Variants in EXPH5 observed in about 807,000 individuals in gnomAD.
EXPH5 encodes the protein exophilin 5, also known as exophilin-5.
Under a neutral mutation model 41.1 loss-of-function variants are expected in EXPH5, and 42 were observed. The observed-to-expected ratio is 1.02, with a 90% CI of 0.80 to 1.32. The LOEUF (loss-of-function observed/expected upper bound fraction) is 1.32, where lower values mean the gene tolerates loss of function less well. Among genes scored for constraint, EXPH5 ranks in the 40% most tolerant of loss-of-function variants. EXPH5 has a pLI of 0.00. For missense variants in EXPH5, 2,298 were observed against 2,314.5 expected (o/e 0.99, Z 0.15); for synonymous variants, 798 against 833.5 (o/e 0.96, Z 0.73).
Position 108,512,640 on chromosome 11 carries a change from A to G in EXPH5, c.2867T>C (p.Val956Ala). The change falls in exon 6 of 6, where the codon GTG (valine) becomes GCG (alanine). Residue 956 changes from valine (V) to alanine (A), a missense_variant. Val to Ala is a moderately conservative substitution (Grantham distance 64, BLOSUM62 0). Transcript: ENST00000265843. ...GTGTGAATGGCATTTGACATCAACCACTTCATCATGTGTAGGCACAGGACT... is the reference window on the plus strand; with the variant it reads ...GTGTGAATGGCATTTGACATCAACCGCTTCATCATGTGTAGGCACAGGACT... Reference protein sequence around the residue: ...NDSPVPTHDEVVDVKCHSHSP... With the variant: ...NDSPVPTHDEAVDVKCHSHSP... 6.2e-7 allele frequency: 1 copy of G among 1,614,022 alleles called. No homozygotes were observed. The highest frequency in any genetic ancestry group is 1.3e-5 in the African/African-American group (1 of 75,050).
At position 108,509,475 on chromosome 11, in the gene EXPH5, G is replaced by T. The variant is rs2093661892; in HGVS notation, c.*62C>A. Reference sequence around the variant, plus strand: ...TTTATCCTTCCATGCACATGCACATGTACACCTTAGTTCCATTATAAGCTT... The same window carrying T: ...TTTATCCTTCCATGCACATGCACATTTACACCTTAGTTCCATTATAAGCTT... On this transcript the variant is annotated 3_prime_UTR_variant, in exon 6 of 6. Transcript: ENST00000265843. 1 of 1,447,712 alleles carries T rather than the reference G, an allele frequency of 6.9e-7. No individual in the cohort carries two copies. Among genetic ancestry groups the T allele is most frequent in the Non-Finnish European group, 9.3e-7 (1 of 1,076,730 alleles). 89.7% of individuals were successfully genotyped at this position (1,447,712 alleles called of 1,614,324 possible).
intron 1 of EXPH5, among the ~76,000 whole-genome samples, chr11:108,590,179 T>C (rs1052466705): frequency 2.6e-5 from 4 of 152,190 alleles, no homozygotes; most frequent in Admixed American, 2.6e-4. Flanking sequence ...TCACTAACAA[T>C]GTGCAAAATC....
chr11:108,568,052 C>A (rs1163233250), intron 1 of EXPH5: 3 of 152,094 alleles, frequency 2.0e-5, no homozygotes, highest in African/African-American at 7.2e-5. Flanking sequence ...GGGTTTCCGA[C>A]TCGCTGAAGA....
chr11:108,538,913 A>C (rs1339091371), intron 3 of EXPH5, 111 bp downstream of exon 3: 1 of 996,846 alleles, frequency 1.0e-6, no homozygotes, highest in Non-Finnish European at 1.5e-6. Flanking sequence ...CTTAATACCA[A>C]TTGAATTGAA....
chr11:108,528,827 C>T (rs1420672842), intron 3 of EXPH5, among the ~76,000 whole-genome samples: 3 of 151,432 alleles, frequency 2.0e-5, no homozygotes, highest in African/African-American at 4.9e-5. Context: ...CTCAGCCTCC[C>T]GAATGGCTGG....
At chr11:108,554,562 G>A (rs972973473) in intron 1 of EXPH5, among the ~76,000 whole-genome samples, 2 of 152,048 alleles carry the variant, frequency 1.3e-5, no homozygotes, top group Non-Finnish European at 2.9e-5. Context: ...GGTGGTGGAG[G>A]GATAATGGGG....
Position 108,568,457 on chromosome 11 carries a change from A to G in EXPH5, c.119+24961T>C, listed in dbSNP as rs190990497. On this transcript the variant is annotated intron_variant, in intron 1 of 5. Coordinates refer to ENST00000265843, the MANE Select transcript of EXPH5 (RefSeq NM_015065.3). ...TCACCAGGCCATCTGGAGCCGAGGA[A>G]CAAGTTCCAAGTTCTCTTGGCCAGA... Among the ~76,000 whole-genome samples the G allele has an allele frequency of 3.8e-3, 579 of 152,172 alleles. 4 individuals carry two copies. Among genetic ancestry groups the G allele is most frequent in the African/African-American group, 0.013 (548 of 41,540 alleles).
intron 1 of EXPH5, among the ~76,000 whole-genome samples, chr11:108,588,828 G>A (rs1005269314): frequency 4.6e-5 from 7 of 152,152 alleles, no homozygotes; most frequent in East Asian, 1.9e-4. Context: ...GATATGGAAC[G>A]ATATTATTAT....
chr11:108,573,240 G>A (rs759181996), intron 1 of EXPH5, among the ~76,000 whole-genome samples: 5 of 152,092 alleles, frequency 3.3e-5, no homozygotes, highest in Admixed American at 6.6e-5. Context: ...AAACCAGCAA[G>A]GAAGCAAGCA....
Position 108,512,649 on chromosome 11 carries a change from T to G in EXPH5, c.2858A>C (p.His953Pro), listed in dbSNP as rs1301359055. 6.2e-7 allele frequency: 1 copy of G among 1,614,126 alleles called. No individual in the cohort carries two copies. Among genetic ancestry groups the G allele is most frequent in the African/African-American group, 1.3e-5 (1 of 75,080 alleles). The change falls in exon 6 of 6, where the codon CAT becomes CCT. Residue 953 changes from histidine to proline, a missense_variant. Physicochemically the swap from His to Pro is moderately conservative, Grantham distance 77. Coordinates refer to ENST00000265843, the MANE Select transcript of EXPH5 (RefSeq NM_015065.3). The stretch of plus-strand genomic sequence containing the variant: ...GCATTTGACATCAACCACTTCATCA[T>G]GTGTAGGCACAGGACTATCATTTCT... ...QERNDSPVPT[H>P]DEVVDVKCHS... is the part of the protein sequence containing the mutation.
At chr11:108,569,299 C>T (rs2094049286) in intron 1 of EXPH5, among the ~76,000 whole-genome samples, 1 of 150,268 alleles carries the variant, frequency 6.7e-6, no homozygotes, top group Admixed American at 6.6e-5. Flanking sequence ...TCTTATCATT[C>T]GTCACGTTAT....
Position 108,541,444 on chromosome 11 carries a change from AC to A in EXPH5, c.280+207del, listed in dbSNP as rs2093912233. On this transcript the variant is annotated intron_variant, in intron 2 of 5. Coordinates refer to ENST00000265843, the MANE Select transcript of EXPH5 (RefSeq NM_015065.3). ...TGCCTGATTCAAAAAAACCCAAAAA[AC>A]AAAAAAAAATCCAAGACATTATTAC... 2.6e-5 allele frequency among the ~76,000 whole-genome samples: 4 copies of A among 152,206 alleles called. No homozygotes were observed. In the South Asian group the frequency reaches 8.3e-4, roughly 32 times the overall value.
chr11:108,583,821 G>A (rs2094105781), intron 1 of EXPH5, among the ~76,000 whole-genome samples: 1 of 152,022 alleles, frequency 6.6e-6, no homozygotes, highest in Non-Finnish European at 1.5e-5. Context: ...TCAATATTAG[G>A]CAAGAAAAAG....
At position 108,573,188 on chromosome 11, in the gene EXPH5, GAAAGAAAGAA is replaced by G. The variant is rs1472248264; in HGVS notation, c.119+20220_119+20229del. On this transcript the variant is annotated intron_variant, in intron 1 of 5. Transcript: ENST00000265843. ...AGAAAGAAAGAAAGAAAGAAAGAAA[GAAAGAAAGAA>G]AAAGAAAGAAAGAAAGAAAGAAAGG... 6.8e-3 allele frequency among the ~76,000 whole-genome samples: 947 copies of G among 138,702 alleles called. 16 individuals are homozygous for G. The highest frequency in any genetic ancestry group is 0.025 in the African/African-American group (823 of 32,582). 91.0% of individuals were successfully genotyped at this position (138,702 alleles called of 152,430 possible).
intron 1 of EXPH5, among the ~76,000 whole-genome samples, chr11:108,566,768 C>T (rs1054047255): frequency 2.6e-5 from 4 of 152,136 alleles, no homozygotes; most frequent in Non-Finnish European, 5.9e-5. Context: ...TAGAAGAGGA[C>T]TCAATACTAG....
chr11:108,555,513 C>T (rs1477610270), intron 1 of EXPH5, among the ~76,000 whole-genome samples: 4 of 152,156 alleles, frequency 2.6e-5, no homozygotes, highest in Admixed American at 2.0e-4. Context: ...TCTCCATAGC[C>T]ACCTCCCTGG....
intron 1 of EXPH5, among the ~76,000 whole-genome samples, chr11:108,588,849 T>A (rs1481252381): frequency 1.3e-5 from 2 of 152,246 alleles, no homozygotes; most frequent in Non-Finnish European, 2.9e-5. Flanking sequence ...AGTAGTTCTG[T>A]GTGTATTGCC....
At chr11:108,538,198 C>A in intron 3 of EXPH5, 2 of 985,496 alleles carry the variant, frequency 2.0e-6, no homozygotes, top group Non-Finnish European at 2.4e-6. Flanking sequence ...ACCTCCAACA[C>A]CTTTTATTTA....
intron 4 of EXPH5, among the ~76,000 whole-genome samples, chr11:108,526,541 G>A (rs984649741): frequency 6.6e-6 from 1 of 152,200 alleles, no homozygotes; most frequent in African/African-American, 2.4e-5. Flanking sequence ...AAAACCGAGA[G>A]TACAGAAGCA....
Sources: allele counts gnomAD v4.1 joint callset (sites outside exome capture counted in the v4.1 genomes callset), GRCh38; gene constraint gnomAD v4.1.1; transcripts MANE v1.5; gene names NCBI Gene and HGNC (gene_info 2026-07-23, HGNC 2026-07-21).